Variants in UBE3D observed in about 807,000 individuals in gnomAD.
The protein encoded by UBE3D is E3 ubiquitin-protein ligase E3D.
UBE3D carries 48 observed loss-of-function variants against 49.6 expected under a neutral mutation model. The observed-to-expected ratio is 0.97, with a 90% CI of 0.77 to 1.23. The LOEUF (loss-of-function observed/expected upper bound fraction) is 1.23. Among genes scored for constraint, UBE3D ranks in the 50% most tolerant of loss-of-function variants. The pLI is 0.00. For missense variants in UBE3D, 452 were observed against 468.4 expected (o/e 0.96, Z 0.32); for synonymous variants, 189 against 174.2 (o/e 1.08, Z -0.67).
In UBE3D at chr6:83,057,906, G is replaced by A; in HGVS notation, c.194C>T (p.Pro65Leu). ...IQLPAEVRLVPSSCRGLQFVV... is the reference protein window; with the variant it reads ...IQLPAEVRLVLSSCRGLQFVV... Reference sequence around the variant, plus strand: ...AAACTGTAGCCCACGGCAAGAGGAAGGTACAAGCCTGACCTCTGCTGGAAG... The same window carrying A: ...AAACTGTAGCCCACGGCAAGAGGAAAGTACAAGCCTGACCTCTGCTGGAAG... Residue 65 changes from proline to leucine, a missense_variant, in exon 2 of 10, where the codon CCT becomes CTT. Physicochemically the swap from Pro to Leu is moderately conservative, Grantham distance 98. Coordinates refer to ENST00000369747, the MANE Select transcript of UBE3D (RefSeq NM_198920.3). 6.2e-7 allele frequency: 1 copy of A among 1,614,170 alleles called. No individual in the cohort carries two copies. The highest frequency in any genetic ancestry group is 8.5e-7 in the Non-Finnish European group (1 of 1,180,026).
At chr6:82,895,711 T>C (rs1189320935) in intron 9 of UBE3D, among the ~76,000 whole-genome samples, 1 of 152,212 alleles carries the variant, frequency 6.6e-6, no homozygotes, top group Non-Finnish European at 1.5e-5. Context: ...TCAGAAAACT[T>C]ATGAAACTTG....
intron 9 of UBE3D, among the ~76,000 whole-genome samples, chr6:82,931,805 T>A (rs1490924914): frequency 1.3e-5 from 2 of 152,094 alleles, no homozygotes; most frequent in African/African-American, 4.8e-5. Flanking sequence ...GACTTTGGAC[T>A]CGGATTGGGT....
intron 9 of UBE3D, among the ~76,000 whole-genome samples, chr6:82,944,646 C>G (rs1775266546): frequency 6.6e-6 from 1 of 152,184 alleles, no homozygotes; most frequent in Non-Finnish European, 1.5e-5. Flanking sequence ...TTGGGTAGAG[C>G]ACAAAGCAGG....
chr6:82,883,331 G>A, the UBE3D span, among the ~76,000 whole-genome samples: 1 of 152,090 alleles, frequency 6.6e-6, no homozygotes, highest in South Asian at 2.1e-4. Context: ...TGTAAGAATG[G>A]ATTAACTCAA....
chr6:82,985,385 T>C (rs1037368688), intron 8 of UBE3D, among the ~76,000 whole-genome samples: 4 of 151,540 alleles, frequency 2.6e-5, no homozygotes, highest in African/African-American at 9.7e-5. Flanking sequence ...TGTTTTGAGA[T>C]GGAATCTCTT....
intron 8 of UBE3D, among the ~76,000 whole-genome samples, chr6:82,980,329 G>C (rs1778026885): frequency 6.6e-6 from 1 of 152,002 alleles, no homozygotes; most frequent in Admixed American, 6.6e-5. Flanking sequence ...GCATTTTCCT[G>C]ATGATTAGTG....
intron 1 of UBE3D, among the ~76,000 whole-genome samples, chr6:83,062,852 G>A (rs1332663259): frequency 6.6e-6 from 1 of 152,098 alleles, no homozygotes; most frequent in East Asian, 1.9e-4. Flanking sequence ...TCAACTGATG[G>A]TGATAGAATA....
chr6:82,993,280 T>C (rs1779022560), intron 8 of UBE3D, among the ~76,000 whole-genome samples: 1 of 152,186 alleles, frequency 6.6e-6, no homozygotes, highest in Admixed American at 6.5e-5. Context: ...ATGACTGTCC[T>C]CTTCCAATCT....
chr6:82,885,981 C>A, the UBE3D span, among the ~76,000 whole-genome samples: 1 of 152,162 alleles, frequency 6.6e-6, no homozygotes, highest in African/African-American at 2.4e-5. Context: ...CTTTGTACTC[C>A]ACAACTGCTG....
At chr6:83,027,459 A>AAAAAAAAAAAAAAAAAAAAAC in intron 5 of UBE3D, among the ~76,000 whole-genome samples, 1 of 147,316 alleles carries the variant, frequency 6.8e-6, no homozygotes, top group Non-Finnish European at 1.5e-5. Context: ...AAAAAAAAAA[A>AAAAAAAAAAAAAAAAAAAAAC]AAGAAACCAC....
intron 9 of UBE3D, among the ~76,000 whole-genome samples, chr6:82,915,548 G>T (rs142817363): frequency 6.6e-6 from 1 of 152,296 alleles, no homozygotes; most frequent in African/African-American, 2.4e-5. Context: ...GTTTCTGAAG[G>T]ATGGCAGAAC....
chr6:82,996,078 A>G (rs1298527352), intron 8 of UBE3D, among the ~76,000 whole-genome samples: 1 of 152,068 alleles, frequency 6.6e-6, no homozygotes, highest in Admixed American at 6.5e-5. Context: ...AAAGCAAAAA[A>G]CAACAGTAGT....
At chr6:83,001,250 T>C (rs1779614670) in intron 8 of UBE3D, among the ~76,000 whole-genome samples, 1 of 152,180 alleles carries the variant, frequency 6.6e-6, no homozygotes, top group Non-Finnish European at 1.5e-5. Flanking sequence ...CAGTTTGCAG[T>C]TTTACATTTA....
chr6:83,015,122 G>C (rs1780609092), intron 8 of UBE3D, among the ~76,000 whole-genome samples: 1 of 152,168 alleles, frequency 6.6e-6, no homozygotes, highest in African/African-American at 2.4e-5. Flanking sequence ...AAATTTTGTA[G>C]TTGAGTGACT....
intron 1 of UBE3D, among the ~76,000 whole-genome samples, chr6:83,064,705 A>C (rs1247317935): frequency 6.6e-6 from 1 of 152,154 alleles, no homozygotes; most frequent in Non-Finnish European, 1.5e-5. Context: ...TTGAAAGAGA[A>C]AAAGAAATAC....
chr6:83,062,305 T>C (rs1784223300), intron 1 of UBE3D, among the ~76,000 whole-genome samples: 1 of 152,218 alleles, frequency 6.6e-6, no homozygotes, highest in Non-Finnish European at 1.5e-5. Flanking sequence ...TTAATATAAA[T>C]AGATCTTTAC....
intron 8 of UBE3D, among the ~76,000 whole-genome samples, chr6:83,003,609 A>C (rs544773993): frequency 8.0e-4 from 122 of 152,304 alleles, no homozygotes; most frequent in Non-Finnish European, 9.8e-4. Flanking sequence ...ACTCAGACAA[A>C]CCTAAGTGAT....
Position 83,013,863 on chromosome 6 carries a change from G to C in UBE3D, c.1010+5110C>G, listed in dbSNP as rs1307553151. ...ATTCAATCAGCATAATGTCCTCAAT[G>C]TAACAGACCAGTGTGATATCTTGCA... On this transcript the variant is annotated intron_variant, in intron 8 of 9. Coordinates refer to ENST00000369747, the MANE Select transcript of UBE3D (RefSeq NM_198920.3). 2.0e-5 allele frequency among the ~76,000 whole-genome samples: 3 copies of C among 152,210 alleles called. 1 individual carries two copies. The highest frequency in any genetic ancestry group is 2.0e-4 in the Admixed American group (3 of 15,280).
intron 9 of UBE3D, among the ~76,000 whole-genome samples, chr6:82,898,719 C>G (rs903130983): frequency 3.3e-5 from 5 of 152,028 alleles, no homozygotes; most frequent in African/African-American, 1.2e-4. Context: ...GGAGAAATAC[C>G]TAATGTAGGT....
Sources: allele counts gnomAD v4.1 joint callset (sites outside exome capture counted in the v4.1 genomes callset), GRCh38; gene constraint gnomAD v4.1.1; transcripts MANE v1.5; gene names NCBI Gene and HGNC (gene_info 2026-07-23, HGNC 2026-07-21).